The following RANBP2 variants were observed in gnomAD, a reference collection of about 807,000 sequenced individuals.
RANBP2 encodes RAN binding protein 2.
In RANBP2, 57 loss-of-function variants were observed where a neutral mutation model predicts 303.6. That is an observed-to-expected ratio of 0.19 (90% confidence interval 0.15 to 0.23). The LOEUF (loss-of-function observed/expected upper bound fraction) is 0.23, where lower values mean the gene tolerates loss of function less well. Among genes scored for constraint, RANBP2 ranks in the 10% least tolerant of loss-of-function variants. The pLI is 1.00. For synonymous variants in RANBP2, 1,167 were observed against 1,301.5 expected, an observed-to-expected ratio of 0.90 and a Z score of 2.23; for missense variants, 3,138 against 3,780.8, an observed-to-expected ratio of 0.83 and a Z score of 4.46.
the RANBP2 span, among the ~76,000 whole-genome samples, chr2:109,012,061 G>A: frequency 6.6e-6 from 1 of 152,154 alleles, no homozygotes; most frequent in Non-Finnish European, 1.5e-5. Flanking sequence ...ACATTTGAAT[G>A]TTTACCCAGA....
the RANBP2 span, among the ~76,000 whole-genome samples, chr2:109,398,363 G>C: frequency 6.6e-6 from 1 of 152,166 alleles, no homozygotes; most frequent in Non-Finnish European, 1.5e-5. Flanking sequence ...CTTTCTCTAT[G>C]AGTCCCCTCT....
the RANBP2 span, among the ~76,000 whole-genome samples, chr2:109,743,476 T>A: frequency 6.8e-6 from 1 of 146,000 alleles, no homozygotes; most frequent in East Asian, 2.0e-4. Flanking sequence ...CAGTTGGACT[T>A]TGCTAAAAAT....
At chr2:109,637,140 G>A in the RANBP2 span, among the ~76,000 whole-genome samples, 1 of 152,170 alleles carries the variant, frequency 6.6e-6, no homozygotes, top group Admixed American at 6.5e-5. Context: ...TTCAAGGGAA[G>A]GTACTATGAC....
chr2:108,856,800 A>G, the RANBP2 span: 1 of 1,612,774 alleles, frequency 6.2e-7, no homozygotes, highest in Non-Finnish European at 8.5e-7. Context: ...CCAGCTGATT[A>G]CCTGGCTCAG....
chr2:109,508,228 C>T, the RANBP2 span, among the ~76,000 whole-genome samples: 90 of 152,270 alleles, frequency 5.9e-4, no homozygotes, highest in African/African-American at 6.7e-4. Context: ...CGTTTGGGCC[C>T]GTGCTGCCCT....
the RANBP2 span, among the ~76,000 whole-genome samples, chr2:109,382,667 G>A: frequency 2.0e-5 from 3 of 152,140 alleles, no homozygotes; most frequent in African/African-American, 4.8e-5. Context: ...TCTAACATCC[G>A]TCTGCCACTG....
At chr2:109,391,419 G>T in the RANBP2 span, among the ~76,000 whole-genome samples, 1 of 152,206 alleles carries the variant, frequency 6.6e-6, no homozygotes, top group Non-Finnish European at 1.5e-5. Context: ...TCGGGGAGGG[G>T]TGCGGGTCAC....
the RANBP2 span, among the ~76,000 whole-genome samples, chr2:109,189,146 C>A: frequency 6.6e-6 from 1 of 151,940 alleles, no homozygotes; most frequent in Admixed American, 6.5e-5. Flanking sequence ...CAGGCTGTGA[C>A]CTCGCTGACA....
the RANBP2 span, chr2:109,371,533 T>G: frequency 6.6e-7 from 1 of 1,520,874 alleles, no homozygotes; most frequent in Non-Finnish European, 9.1e-7. Context: ...TGCTTCCTTT[T>G]TCATTGTGTG....
the RANBP2 span, among the ~76,000 whole-genome samples, chr2:109,209,681 T>C: frequency 6.6e-6 from 1 of 152,178 alleles, no homozygotes; most frequent in African/African-American, 2.4e-5. Flanking sequence ...AGGACCCATT[T>C]CTAAAGCATG....
the RANBP2 span, among the ~76,000 whole-genome samples, chr2:109,702,413 C>T: frequency 1.3e-3 from 205 of 152,320 alleles, 1 homozygote; most frequent in African/African-American, 3.7e-3. Flanking sequence ...GCTTTGCATT[C>T]GTACATCTTC....
chr2:109,382,928 G>A, the RANBP2 span, among the ~76,000 whole-genome samples: 1 of 152,188 alleles, frequency 6.6e-6, no homozygotes, highest in Non-Finnish European at 1.5e-5. Context: ...TGTGGACCAC[G>A]CTCTTCCAGG....
the RANBP2 span, among the ~76,000 whole-genome samples, chr2:109,408,033 C>CTT: frequency 2.0e-5 from 3 of 152,182 alleles, no homozygotes; most frequent in South Asian, 4.1e-4. Context: ...CAGGAAAGAT[C>CTT]CTTGGGTCTT....
chr2:109,716,010 G>T, the RANBP2 span, among the ~76,000 whole-genome samples: 1 of 152,072 alleles, frequency 6.6e-6, no homozygotes, highest in African/African-American at 2.4e-5. Context: ...AGTTCATTTT[G>T]CCAAAGTTAA....
At chr2:109,269,647 G>A in the RANBP2 span, among the ~76,000 whole-genome samples, 8 of 152,290 alleles carry the variant, frequency 5.3e-5, no homozygotes, top group African/African-American at 1.9e-4. Context: ...CGGACATGGT[G>A]GCGTGTGCCT....
the RANBP2 span, among the ~76,000 whole-genome samples, chr2:109,539,586 AG>A: frequency 1.3e-5 from 2 of 151,916 alleles, no homozygotes; most frequent in African/African-American, 4.8e-5. Context: ...TGAGGCTACA[AG>A]CACGTGCCAC....
chr2:109,530,294 C>T, the RANBP2 span, among the ~76,000 whole-genome samples: 1,489 of 152,228 alleles, frequency 9.8e-3, 10 homozygotes, highest in Non-Finnish European at 0.017. Flanking sequence ...GCAGTCACGG[C>T]GACGTTTGCT....
chr2:108,911,925 A>G, the RANBP2 span, among the ~76,000 whole-genome samples: 1 of 152,242 alleles, frequency 6.6e-6, no homozygotes, highest in East Asian at 1.9e-4. Context: ...TAGCGTTAGC[A>G]TGCCAGGTCT....
At chr2:109,383,087 C>T in the RANBP2 span, among the ~76,000 whole-genome samples, 6 of 152,194 alleles carry the variant, frequency 3.9e-5, no homozygotes, top group African/African-American at 1.2e-4. Flanking sequence ...GCCCTGAGGG[C>T]GGGCCCTGGC....
Sources: allele counts gnomAD v4.1 joint callset (sites outside exome capture counted in the v4.1 genomes callset), GRCh38; gene constraint gnomAD v4.1.1; transcripts MANE v1.5; gene names NCBI Gene and HGNC (gene_info 2026-07-23, HGNC 2026-07-21).